Variants in RBFOX1 observed in about 807,000 individuals in gnomAD.
The protein encoded by RBFOX1 is RNA binding fox-1 homolog 1.
RBFOX1 carries 8 observed loss-of-function variants against 57.7 expected under a neutral mutation model. The observed-to-expected ratio is 0.14, with a 90% confidence interval of 0.08 to 0.25. The LOEUF is 0.25. Among genes scored for constraint, RBFOX1 ranks in the 10% least tolerant of loss-of-function variants. RBFOX1 has a pLI of 1.00. For synonymous variants in RBFOX1, 326 were observed against 222.4 expected (o/e 1.47, Z -4.15); for missense variants, 611 against 548.5 (o/e 1.11, Z -1.14).
intron 14 of RBFOX1, among the ~76,000 whole-genome samples, chr16:7,704,551 C>G (rs2081821850): frequency 6.6e-6 from 1 of 152,164 alleles, no homozygotes; most frequent in Non-Finnish European, 1.5e-5. Flanking sequence ...CTCTTTACTC[C>G]TTTGTCTTGC....
chr16:6,663,368 A>G (rs532102385), intron 3 of RBFOX1, among the ~76,000 whole-genome samples: 30 of 152,348 alleles, frequency 2.0e-4, no homozygotes, highest in African/African-American at 7.2e-4. Context: ...TTTAGGGCTT[A>G]TATGCCAGTG....
rs377079863 is a variant in RBFOX1, at chr16:7,003,740, GA to G, written c.-15-48310del. Among the ~76,000 whole-genome samples, 1,015 of 152,112 alleles carry G rather than the reference GA, an allele frequency of 6.7e-3. 8 individuals are homozygous for G. The highest frequency in any genetic ancestry group is 0.023 in the African/African-American group (951 of 41,494). On this transcript the variant is annotated intron_variant, in intron 3 of 15. Transcript: ENST00000550418. ...AATGTAATTAAGTTAGTATGTATTA[GA>G]AAAAAACATGATATGCACATCAAGT...
intron 3 of RBFOX1, among the ~76,000 whole-genome samples, chr16:7,043,924 C>T (rs1382371643): frequency 1.3e-5 from 2 of 152,028 alleles, no homozygotes; most frequent in Non-Finnish European, 2.9e-5. Context: ...GTCTAAAAGA[C>T]AAAACAAAAA....
At chr16:5,677,008 C>G (rs192678581) in intron 3 of RBFOX1, among the ~76,000 whole-genome samples, 5 of 152,324 alleles carry the variant, frequency 3.3e-5, no homozygotes, top group Admixed American at 6.5e-5. Context: ...AAGTAAATAT[C>G]TCAGTTTTCC....
chr16:6,703,710 A>G (rs774113987), intron 3 of RBFOX1, among the ~76,000 whole-genome samples: 1 of 151,826 alleles, frequency 6.6e-6, no homozygotes, highest in Non-Finnish European at 1.5e-5. Flanking sequence ...CAGTTTCAAA[A>G]GAAAAAAAAG....
At chr16:7,029,002 T>G (rs944846806) in intron 3 of RBFOX1, among the ~76,000 whole-genome samples, 1 of 138,234 alleles carries the variant, frequency 7.2e-6, no homozygotes, top group Non-Finnish European at 1.5e-5. Flanking sequence ...TGAACTTAAC[T>G]AACGGTTTCT....
At chr16:7,382,096 T>A (rs2097790060) in intron 4 of RBFOX1, among the ~76,000 whole-genome samples, 1 of 152,228 alleles carries the variant, frequency 6.6e-6, no homozygotes, top group Non-Finnish European at 1.5e-5. Flanking sequence ...AAAATAAAAT[T>A]CAACCTATTC....
At chr16:6,368,297 C>G (rs1042065977) in intron 2 of RBFOX1, among the ~76,000 whole-genome samples, 4 of 152,198 alleles carry the variant, frequency 2.6e-5, no homozygotes, top group African/African-American at 7.2e-5. Flanking sequence ...CCCCTGGAAG[C>G]TCAGCCTGCC....
At chr16:6,327,893 G>C (rs994046461) in intron 2 of RBFOX1, among the ~76,000 whole-genome samples, 22 of 152,116 alleles carry the variant, frequency 1.4e-4, no homozygotes, top group Non-Finnish European at 1.5e-5. Flanking sequence ...ATAAATTCAT[G>C]TATAAGAACT....
intron 1 of RBFOX1, among the ~76,000 whole-genome samples, chr16:6,139,336 C>A (rs1367542995): frequency 1.3e-5 from 2 of 152,128 alleles, no homozygotes; most frequent in Non-Finnish European, 2.9e-5. Flanking sequence ...ATCACACAGA[C>A]CAAGGTGAGG....
intron 1 of RBFOX1, among the ~76,000 whole-genome samples, chr16:6,121,287 G>A (rs1467161529): frequency 6.6e-6 from 1 of 152,158 alleles, no homozygotes; most frequent in African/African-American, 2.4e-5. Context: ...GTGTCTGTGA[G>A]GGCCTCAGGA....
chr16:5,422,578 A>G (rs1596992683), intron 1 of RBFOX1, among the ~76,000 whole-genome samples: 19 of 59,558 alleles, frequency 3.2e-4, no homozygotes, highest in South Asian at 8.6e-4. Context: ...GAGGAGGGGG[A>G]GAGGGAGGAA....
intron 4 of RBFOX1, among the ~76,000 whole-genome samples, chr16:7,406,258 A>G (rs888168587): frequency 6.6e-6 from 1 of 152,194 alleles, no homozygotes; most frequent in Non-Finnish European, 1.5e-5. Context: ...GCCATATGCC[A>G]TGGGCCTACT....
At chr16:6,925,082 T>A (rs1367872801) in intron 3 of RBFOX1, among the ~76,000 whole-genome samples, 2 of 148,806 alleles carry the variant, frequency 1.3e-5, no homozygotes, top group Non-Finnish European at 3.0e-5. Context: ...TAATCCAGTC[T>A]ATCGTTGTTG....
At chr16:7,490,510 G>A (rs1183827501) in intron 4 of RBFOX1, among the ~76,000 whole-genome samples, 3 of 152,198 alleles carry the variant, frequency 2.0e-5, no homozygotes, top group African/African-American at 7.2e-5. Context: ...GACATGGAAG[G>A]AGTGGATAAT....
At chr16:5,530,799 C>T (rs2044435885) in intron 2 of RBFOX1, among the ~76,000 whole-genome samples, 2 of 152,014 alleles carry the variant, frequency 1.3e-5, no homozygotes, top group South Asian at 4.1e-4. Flanking sequence ...TTTAAAATCA[C>T]AGTCCAGCCC....
At chr16:7,618,108 T>A (rs1407739275) in intron 10 of RBFOX1, among the ~76,000 whole-genome samples, 1 of 152,164 alleles carries the variant, frequency 6.6e-6, no homozygotes, top group African/African-American at 2.4e-5. Context: ...TATTGATCTG[T>A]TGAGATTAGA....
At chr16:6,834,220 C>A (rs2092923145) in intron 3 of RBFOX1, among the ~76,000 whole-genome samples, 1 of 152,038 alleles carries the variant, frequency 6.6e-6, no homozygotes, top group Non-Finnish European at 1.5e-5. Flanking sequence ...ATTACAGGTG[C>A]CCGCTAGCAC....
At chr16:6,814,932 G>T (rs956648968) in intron 3 of RBFOX1, among the ~76,000 whole-genome samples, 5 of 152,150 alleles carry the variant, frequency 3.3e-5, no homozygotes, top group Non-Finnish European at 7.4e-5. Context: ...AGTTTTTTAA[G>T]AAAATACAGG....
Sources: allele counts gnomAD v4.1 joint callset (sites outside exome capture counted in the v4.1 genomes callset), GRCh38; gene constraint gnomAD v4.1.1; transcripts MANE v1.5; gene names NCBI Gene and HGNC (gene_info 2026-07-23, HGNC 2026-07-21).